Variants in SMC5 observed in about 807,000 individuals in gnomAD.
SMC5 encodes structural maintenance of chromosomes protein 5.
Under a neutral mutation model 148.3 loss-of-function variants are expected in SMC5, and 88 were observed. The ratio of observed to expected loss-of-function variants is 0.59; its 90% CI spans 0.50 to 0.71. SMC5 has a LOEUF of 0.71. Among genes scored for constraint, SMC5 ranks in the 30% least tolerant of loss-of-function variants. The pLI is 0.00. For missense variants in SMC5, 1,142 were observed against 1,298.9 expected (o/e 0.88, Z 1.86); for synonymous variants, 421 against 432.8 (o/e 0.97, Z 0.34).
chr9:70,312,284 C>G (rs1165655920), intron 11 of SMC5, among the ~76,000 whole-genome samples: 1 of 152,078 alleles, frequency 6.6e-6, no homozygotes, highest in Non-Finnish European at 1.5e-5. Context: ...TACATGGCAG[C>G]AGGAGAGAGA....
chr9:70,319,495 T>G (rs2035894178), intron 15 of SMC5, among the ~76,000 whole-genome samples: 1 of 152,176 alleles, frequency 6.6e-6, no homozygotes, highest in Non-Finnish European at 1.5e-5. Flanking sequence ...ATATTGAGTT[T>G]GTAGTGAGAT....
chr9:70,343,212 G>A (rs1354177153), intron 17 of SMC5, among the ~76,000 whole-genome samples: 2 of 151,734 alleles, frequency 1.3e-5, no homozygotes, highest in Non-Finnish European at 2.9e-5. Context: ...GAGAAATAAA[G>A]GGAATAATGT....
chr9:70,341,913 C>T (rs1278629186), intron 17 of SMC5, among the ~76,000 whole-genome samples: 1 of 151,306 alleles, frequency 6.6e-6, no homozygotes, highest in Non-Finnish European at 1.5e-5. Context: ...GACTATAAAT[C>T]ATGCTGCTAT....
intron 7 of SMC5, 139 bp downstream of exon 7, chr9:70,282,722 AC>A: frequency 1.2e-6 from 1 of 833,762 alleles, no homozygotes; most frequent in Non-Finnish European, 1.8e-6. Flanking sequence ...GAATTCTGCC[AC>A]CATAGGATTT....
At chr9:70,316,304 TATA>T (rs1294229620) in intron 13 of SMC5, among the ~76,000 whole-genome samples, 1 of 152,090 alleles carries the variant, frequency 6.6e-6, no homozygotes, top group East Asian at 1.9e-4. Context: ...ACCTGCTACT[TATA>T]ATATTTATTA....
At chr9:70,344,369 T>A in intron 18 of SMC5, 100 bp downstream of exon 18, 1 of 871,274 alleles carries the variant, frequency 1.1e-6, no homozygotes, top group Non-Finnish European at 1.5e-6. Context: ...ACATGATGTG[T>A]CGTAAAAAAT....
At chr9:70,325,095 A>C (rs1046040587) in intron 17 of SMC5, among the ~76,000 whole-genome samples, 2 of 152,074 alleles carry the variant, frequency 1.3e-5, no homozygotes, top group Non-Finnish European at 2.9e-5. Flanking sequence ...TCTTCCCTGG[A>C]GTTTGGGAAG....
chr9:70,268,390 G>A (rs2034350597), intron 3 of SMC5, among the ~76,000 whole-genome samples: 1 of 152,048 alleles, frequency 6.6e-6, no homozygotes, highest in Non-Finnish European at 1.5e-5. Flanking sequence ...AGGTTGCAGT[G>A]AGCCGAGATG....
At chr9:70,315,994 G>GTT (rs1042284798) in intron 13 of SMC5, among the ~76,000 whole-genome samples, 1 of 151,972 alleles carries the variant, frequency 6.6e-6, no homozygotes, top group African/African-American at 2.4e-5. Context: ...GTATAAAACT[G>GTT]TTTTTGGTCA....
intron 11 of SMC5, 75 bp downstream of exon 11, chr9:70,305,435 A>C (rs979364862): frequency 1.2e-6 from 1 of 847,762 alleles, no homozygotes; most frequent in Non-Finnish European, 1.9e-6. Context: ...AATTCACTAG[A>C]GCAAAATGTG....
intron 12 of SMC5, 42 bp downstream of exon 12, chr9:70,314,878 A>T (rs749471812): frequency 3.5e-6 from 4 of 1,142,334 alleles, no homozygotes; most frequent in Non-Finnish European, 3.8e-6. Context: ...ATATTGAATT[A>T]TTCAACATTT....
chr9:70,276,589 C>T (rs965105939), intron 3 of SMC5, among the ~76,000 whole-genome samples: 3 of 152,094 alleles, frequency 2.0e-5, no homozygotes, highest in Admixed American at 2.0e-4. Context: ...TTTATATATA[C>T]AACATTCATA....
chr9:70,325,073 G>C (rs762499920), intron 17 of SMC5, among the ~76,000 whole-genome samples: 8 of 152,160 alleles, frequency 5.3e-5, no homozygotes, highest in Non-Finnish European at 1.2e-4. Flanking sequence ...GGTTGAGCTT[G>C]ATCATCAGCC....
intron 17 of SMC5, among the ~76,000 whole-genome samples, chr9:70,332,719 TA>T (rs1189555443): frequency 6.6e-6 from 1 of 152,080 alleles, no homozygotes; most frequent in African/African-American, 2.4e-5. Context: ...AATCCAACAA[TA>T]TATAAAAAGT....
At chr9:70,278,179 G>C (rs2034647054) in intron 4 of SMC5, among the ~76,000 whole-genome samples, 1 of 151,654 alleles carries the variant, frequency 6.6e-6, no homozygotes, top group South Asian at 2.1e-4. Context: ...CATTTCAACT[G>C]ATATGTAATA....
intron 17 of SMC5, among the ~76,000 whole-genome samples, chr9:70,334,235 AACTAT>A (rs1256313194): frequency 1.3e-5 from 2 of 152,024 alleles, no homozygotes; most frequent in Admixed American, 6.6e-5. Flanking sequence ...GTAAAAAATG[AACTAT>A]ACCCTTACCT....
At chr9:70,338,320 AT>A (rs776608492) in intron 17 of SMC5, among the ~76,000 whole-genome samples, 1 of 152,146 alleles carries the variant, frequency 6.6e-6, no homozygotes, top group Non-Finnish European at 1.5e-5. Context: ...CATTTGCATA[AT>A]TTTAAAGTTA....
chr9:70,267,032 CTTT>C (rs60909552), intron 2 of SMC5, among the ~76,000 whole-genome samples: 4 of 133,352 alleles, frequency 3.0e-5, no homozygotes, highest in Admixed American at 7.5e-5. Flanking sequence ...CAAGATAAGG[CTTT>C]TTTTTTTTTT....
At chr9:70,273,326 A>AT (rs59141475) in intron 3 of SMC5, among the ~76,000 whole-genome samples, 1,807 of 151,314 alleles carry the variant, frequency 0.012, 26 homozygotes, top group African/African-American at 0.041. Flanking sequence ...GGATTTTCCC[A>AT]TTTTTCTTAG....
Sources: gnomAD v4.1 joint callset for allele counts (sites outside exome capture counted in the v4.1 genomes callset) on GRCh38, gnomAD v4.1.1 for gene constraint, MANE v1.5 for transcripts, NCBI Gene and HGNC (gene_info 2026-07-23, HGNC 2026-07-21) for gene names.